The following FRMD5 variants were observed in gnomAD, a reference collection of about 807,000 sequenced individuals.
FRMD5 encodes the protein FERM domain containing 5, also known as FERM domain-containing protein 5.
A neutral mutation model predicts 69.0 loss-of-function variants in FRMD5; 20 were observed. The observed-to-expected ratio is 0.29, with a 90% CI of 0.20 to 0.42. The LOEUF (loss-of-function observed/expected upper bound fraction) is 0.42. Ranked by LOEUF, FRMD5 falls within the 10% of genes least tolerant of loss-of-function variation. The probability of loss-of-function intolerance (pLI) is 1.00; values close to 1 mark genes in which losing one functional copy is unlikely to be tolerated. For synonymous variants in FRMD5, 271 were observed against 260.1 expected (o/e 1.04, Z -0.40); for missense variants, 595 against 708.6 (o/e 0.84, Z 1.82).
chr15:44,057,328 A>G (rs1400494718), intron 1 of FRMD5, among the ~76,000 whole-genome samples: 1 of 149,870 alleles, frequency 6.7e-6, no homozygotes, highest in African/African-American at 2.5e-5. Flanking sequence ...CTGGTCTTGA[A>G]CTCCTGACCT....
intron 1 of FRMD5, among the ~76,000 whole-genome samples, chr15:43,983,757 G>A (rs1283639415): frequency 2.6e-5 from 4 of 152,158 alleles, no homozygotes; most frequent in Non-Finnish European, 5.9e-5. Context: ...ATTGAAGCAG[G>A]AGAGTACTAA....
intron 1 of FRMD5, among the ~76,000 whole-genome samples, chr15:44,103,547 A>G (rs1206758249): frequency 1.3e-5 from 2 of 152,246 alleles, no homozygotes; most frequent in African/African-American, 4.8e-5. Context: ...CATATGCCAT[A>G]CAATTCATCT....
chr15:44,103,028 T>C (rs1380122693), intron 1 of FRMD5, among the ~76,000 whole-genome samples: 3 of 152,152 alleles, frequency 2.0e-5, no homozygotes, highest in Non-Finnish European at 4.4e-5. Flanking sequence ...ATTCCAAAAG[T>C]CATGGTAGGG....
chr15:44,011,514 T>G (rs1471263581), intron 1 of FRMD5, among the ~76,000 whole-genome samples: 1 of 151,962 alleles, frequency 6.6e-6, no homozygotes, highest in Non-Finnish European at 1.5e-5. Context: ...CACAATGAAG[T>G]GTTAGTGAAG....
intron 1 of FRMD5, among the ~76,000 whole-genome samples, chr15:44,133,432 C>T (rs1163234851): frequency 1.3e-5 from 2 of 150,990 alleles, no homozygotes; most frequent in Non-Finnish European, 3.0e-5. Flanking sequence ...AAAAATTAGC[C>T]AGGCGTGGTG....
intron 1 of FRMD5, among the ~76,000 whole-genome samples, chr15:44,099,693 T>C (rs1351404837): frequency 6.6e-6 from 1 of 152,122 alleles, no homozygotes; most frequent in East Asian, 1.9e-4. Flanking sequence ...GTATCCAAGA[T>C]ACAAAAAGAT....
At chr15:43,970,743 G>A (rs558225640) in intron 1 of FRMD5, among the ~76,000 whole-genome samples, 4 of 152,224 alleles carry the variant, frequency 2.6e-5, no homozygotes, top group African/African-American at 4.8e-5. Flanking sequence ...GTGAGCCACC[G>A]TACCTGCCAT....
intron 1 of FRMD5, among the ~76,000 whole-genome samples, chr15:44,173,635 C>T (rs532067007): frequency 2.2e-4 from 33 of 152,182 alleles, no homozygotes; most frequent in African/African-American, 6.5e-4. Context: ...TTCAGCCTCC[C>T]GAGTAGCTGG....
At chr15:43,879,855 C>T (rs1425206007) in intron 13 of FRMD5, 1 of 389,652 alleles carries the variant, frequency 2.6e-6, no homozygotes, top group Non-Finnish European at 4.5e-6. Context: ...AGAAGGTCAC[C>T]TCCCCAAGCT....
At chr15:44,116,653 A>G (rs1036708354) in intron 1 of FRMD5, among the ~76,000 whole-genome samples, 1 of 152,152 alleles carries the variant, frequency 6.6e-6, no homozygotes, top group South Asian at 2.1e-4. Flanking sequence ...GGTCAGCACT[A>G]TCTCCTTTAT....
chr15:43,934,132 A>G (rs2089721138), intron 1 of FRMD5, among the ~76,000 whole-genome samples: 1 of 152,120 alleles, frequency 6.6e-6, no homozygotes, highest in Admixed American at 6.5e-5. Flanking sequence ...TTCCTGAGAG[A>G]GGATCCAGCT....
intron 1 of FRMD5, among the ~76,000 whole-genome samples, chr15:43,983,052 T>C (rs2090572585): frequency 6.6e-6 from 1 of 152,190 alleles, no homozygotes; most frequent in Admixed American, 6.5e-5. Flanking sequence ...TGCCTCAGCC[T>C]CCTAAGTAGC....
Position 44,117,991 on chromosome 15 carries a change from C to CTTTTTTTTTTTTT in FRMD5, c.102+76949_102+76961dup, listed in dbSNP as rs747747488. 1.3e-3 allele frequency among the ~76,000 whole-genome samples: 121 copies of CTTTTTTTTTTTTT among 92,586 alleles called. 1 individual carries two copies. The highest frequency in any genetic ancestry group is 2.9e-3 in the African/African-American group (63 of 21,612). The allele number at this position is 92,586 out of a possible 152,430, so 60.7% of individuals were successfully genotyped here. ...CTGGATTCCATTTCTTTCTTTTTTA[C>CTTTTTTTTTTTTT]TTTTTTTTTTTTTTTTTTTTTTTTG... On this transcript the variant is annotated intron_variant, in intron 1 of 13. Coordinates refer to ENST00000417257, the MANE Select transcript of FRMD5 (RefSeq NM_032892.5).
chr15:44,038,519 G>GGTTTTTTTTT (rs1413448995), intron 1 of FRMD5, among the ~76,000 whole-genome samples: 1 of 8,646 alleles, frequency 1.2e-4, no homozygotes, highest in Non-Finnish European at 4.5e-4. Context: ...GCTAGCCAGA[G>GGTTTTTTTTT]CTTTTTTTTT....
At chr15:44,034,092 G>T (rs905918923) in intron 1 of FRMD5, among the ~76,000 whole-genome samples, 5 of 152,212 alleles carry the variant, frequency 3.3e-5, no homozygotes, top group African/African-American at 1.2e-4. Flanking sequence ...AATTTAGCCA[G>T]GCTGCTGAGT....
chr15:44,046,045 T>C (rs1348300424), intron 1 of FRMD5, among the ~76,000 whole-genome samples: 1 of 152,072 alleles, frequency 6.6e-6, no homozygotes, highest in African/African-American at 2.4e-5. Context: ...AGAAATCAGC[T>C]CTGCAGTCAT....
intron 1 of FRMD5, among the ~76,000 whole-genome samples, chr15:44,156,147 T>C (rs1264939696): frequency 6.6e-6 from 1 of 151,722 alleles, no homozygotes; most frequent in African/African-American, 2.4e-5. Context: ...AAAAATGACA[T>C]ATAATTTTTT....
chr15:44,161,778 C>G (rs111479532), intron 1 of FRMD5, among the ~76,000 whole-genome samples: 1 of 152,086 alleles, frequency 6.6e-6, no homozygotes, highest in East Asian at 1.9e-4. Context: ...CTTACTATAC[C>G]GTATCTTCCT....
chr15:44,076,680 G>A (rs1893783871), intron 1 of FRMD5, among the ~76,000 whole-genome samples: 1 of 148,598 alleles, frequency 6.7e-6, no homozygotes, highest in Non-Finnish European at 1.5e-5. Context: ...GCTAGATGAT[G>A]AGTTAGTGGG....
Sources: gnomAD v4.1 joint callset for allele counts (sites outside exome capture counted in the v4.1 genomes callset) on GRCh38, gnomAD v4.1.1 for gene constraint, MANE v1.5 for transcripts, NCBI Gene and HGNC (gene_info 2026-07-23, HGNC 2026-07-21) for gene names.